The following SEC24A variants were observed in gnomAD, a reference collection of about 807,000 sequenced individuals.
The protein encoded by SEC24A is protein transport protein Sec24A.
SEC24A carries 93 observed loss-of-function variants against 129.4 expected under a neutral mutation model. That is an observed-to-expected ratio of 0.72 (90% CI 0.61 to 0.85). The LOEUF is 0.85. Among genes scored for constraint, SEC24A ranks in the 40% least tolerant of loss-of-function variants. SEC24A has a pLI of 0.00. For missense variants in SEC24A, 1,264 were observed against 1,307.4 expected, an observed-to-expected ratio of 0.97 and a Z score of 0.51; for synonymous variants, 460 against 467.3, an observed-to-expected ratio of 0.98 and a Z score of 0.20.
At position 134,674,724 on chromosome 5, in the gene SEC24A, A is replaced by G; in HGVS notation, c.927A>G (p.Gly309=). 1 of 1,613,980 alleles carries G rather than the reference A, an allele frequency of 6.2e-7. No homozygotes were observed. Among genetic ancestry groups the G allele is most frequent in the Non-Finnish European group, 8.5e-7 (1 of 1,179,932 alleles). Residue 309 remains glycine (G), a synonymous_variant, in exon 5 of 23, where the codon GGA becomes GGG. Transcript: ENST00000398844. Reference sequence around the variant, plus strand: ...ACACAACACCACCTGGTGCAACTGGAGTACCACCCTCTTCCTTGAATTACC... The same window carrying G: ...ACACAACACCACCTGGTGCAACTGGGGTACCACCCTCTTCCTTGAATTACC... ...YQNTTPPGAT[G]VPPSSLNYPS... is the part of the protein sequence containing the mutation.
Position 134,715,006 on chromosome 5 carries a change from G to C in SEC24A, c.2728-18G>C. On this transcript the variant is annotated intron_variant, in intron 18 of 22. Transcript: ENST00000398844. ...TAAAATATATTCTTTTGTGGGGAAT[G>C]GGGGTTTTCTGTTACAGAAATCATT... The C allele has an allele frequency of 2.5e-6, 4 of 1,607,644 alleles. No homozygotes were observed. Among genetic ancestry groups the C allele is most frequent in the Non-Finnish European group, 3.4e-6 (4 of 1,176,578 alleles).
chr5:134,693,135 T>G, intron 12 of SEC24A: 1 of 1,534,568 alleles, frequency 6.5e-7, no homozygotes, highest in Non-Finnish European at 8.7e-7. Flanking sequence ...GGGGGGATGT[T>G]GTCTACCCTG....
rs571922555 is a variant in SEC24A, at chr5:134,686,677, T to G, written c.1492-113T>G. The G allele has an allele frequency of 4.6e-4, 259 of 561,950 alleles. 4 individuals carry two copies. In the South Asian group the frequency reaches 5.3e-3, roughly 12 times the overall value. The allele number at this position is 561,950 out of a possible 1,614,324, so 34.8% of individuals were successfully genotyped here. A position where few individuals can be genotyped will look rare whatever the true frequency, so the allele number is the denominator to read the frequency against. ...ATAGCTTTGCCTGTTTATTATAATCTCTACTCAATCTGTAAATAATGCTTT... is the reference window on the plus strand; with the variant it reads ...ATAGCTTTGCCTGTTTATTATAATCGCTACTCAATCTGTAAATAATGCTTT... On this transcript the variant is annotated intron_variant, in intron 9 of 22. Coordinates refer to ENST00000398844, the MANE Select transcript of SEC24A (RefSeq NM_021982.3).
At chr5:134,675,656 T>C (rs111879267) in intron 6 of SEC24A, among the ~76,000 whole-genome samples, 2,014 of 152,336 alleles carry the variant, frequency 0.013, 17 homozygotes, top group Middle Eastern at 0.041. Context: ...TTAAATTGTA[T>C]TTAGAATCTT....
At chr5:134,689,617 T>C (rs1751566857) in intron 11 of SEC24A, among the ~76,000 whole-genome samples, 2 of 151,912 alleles carry the variant, frequency 1.3e-5, no homozygotes. Flanking sequence ...AAAAATTAGT[T>C]GGGCGTGGTG....
Position 134,705,091 on chromosome 5 carries a change from T to TATATATATATATATATATATA in SEC24A, c.2441-236_2441-235insATATATATATATATATATATA, listed in dbSNP as rs1491338363. 3.2e-5 allele frequency among the ~76,000 whole-genome samples: 3 copies of TATATATATATATATATATATA among 94,986 alleles called. No individual in the cohort carries two copies. In the East Asian group the frequency reaches 1.4e-3, roughly 45 times the overall value. 62.3% of individuals were successfully genotyped at this position (94,986 alleles called of 152,430 possible). On this transcript the variant is annotated intron_variant, in intron 16 of 22. Transcript: ENST00000398844. The stretch of plus-strand genomic sequence containing the variant: ...ATATTTATATATATATATATATATA[T>TATATATATATATATATATATA]TTTTTTTTTTTTAATTAATTTATTT...
rs998877922 is a variant in SEC24A, at chr5:134,726,057, C to A, written c.*963C>A. ...TTTAATTGTTAAATTGGAAGTCATTCATAAGAAATATTTATGCTTGAATAT... is the reference window on the plus strand; with the variant it reads ...TTTAATTGTTAAATTGGAAGTCATTAATAAGAAATATTTATGCTTGAATAT... On this transcript the variant is annotated 3_prime_UTR_variant, in exon 23 of 23. Coordinates refer to ENST00000398844, the MANE Select transcript of SEC24A (RefSeq NM_021982.3). 2.0e-5 allele frequency: 3 copies of A among 152,414 alleles called. No homozygotes were observed. Among genetic ancestry groups the A allele is most frequent in the African/African-American group, 7.2e-5 (3 of 41,414 alleles). 9.4% of individuals were successfully genotyped at this position (152,414 alleles called of 1,614,324 possible). A position where few individuals can be genotyped will look rare whatever the true frequency, so the allele number is the denominator to read the frequency against.
Position 134,718,110 on chromosome 5 carries a change from C to T in SEC24A, c.2907C>T (p.Pro969=), listed in dbSNP as rs377039031. 2 of 1,614,128 alleles carry T rather than the reference C, an allele frequency of 1.2e-6. No homozygotes were observed. Among genetic ancestry groups the T allele is most frequent in the Non-Finnish European group, 1.7e-6 (2 of 1,179,996 alleles). ...GTGATAGAACCATACCTCAGCCCCCCATTCTTCAGCTTTCAGTGGAGAAGC... is the reference window on the plus strand; with the variant it reads ...GTGATAGAACCATACCTCAGCCCCCTATTCTTCAGCTTTCAGTGGAGAAGC... ...NISDRTIPQP[P]ILQLSVEKLS... Residue 969 remains proline (P), a synonymous_variant, in exon 20 of 23, where the codon CCC becomes CCT. Coordinates refer to ENST00000398844, the MANE Select transcript of SEC24A (RefSeq NM_021982.3).
intron 17 of SEC24A, 116 bp downstream of exon 17, chr5:134,705,553 G>A: frequency 1.8e-6 from 1 of 567,728 alleles, no homozygotes; most frequent in Non-Finnish European, 3.1e-6. Context: ...AGATCCCCTG[G>A]GTGCCTGCTA....
At position 134,675,234 on chromosome 5, in the gene SEC24A, G is replaced by A; in HGVS notation, c.1151+17G>A. ...TAACCCAGAGTAAGGCTTCAGATGT[G>A]ACATTATGCATGTCCGAAAAGTTTT... On this transcript the variant is annotated intron_variant, in intron 6 of 22. Transcript: ENST00000398844. The A allele has an allele frequency of 6.3e-7, 1 of 1,594,746 alleles. No homozygotes were observed. The highest frequency in any genetic ancestry group is 8.6e-7 in the Non-Finnish European group (1 of 1,166,436).
At chr5:134,687,256 TA>T (rs758467325) in intron 10 of SEC24A, among the ~76,000 whole-genome samples, 3 of 152,200 alleles carry the variant, frequency 2.0e-5, no homozygotes, top group African/African-American at 4.8e-5. Context: ...ACTTCAAGAC[TA>T]ACTTTTATAC....
chr5:134,709,471 C>T (rs1344297926), intron 18 of SEC24A, among the ~76,000 whole-genome samples: 1 of 152,156 alleles, frequency 6.6e-6, no homozygotes, highest in Non-Finnish European at 1.5e-5. Flanking sequence ...AACTGATAAT[C>T]AGTTTTCCAG....
chr5:134,698,203 G>T, intron 15 of SEC24A, 146 bp downstream of exon 15: 1 of 641,888 alleles, frequency 1.6e-6, no homozygotes, highest in South Asian at 2.3e-5. Context: ...AAGAAACACT[G>T]TAACCAAAAA....
At chr5:134,664,199 C>A (rs1750571652) in intron 2 of SEC24A, among the ~76,000 whole-genome samples, 1 of 151,636 alleles carries the variant, frequency 6.6e-6, no homozygotes, top group African/African-American at 2.4e-5. Flanking sequence ...CTTCTTTTTT[C>A]TCATTTGAAC....
intron 16 of SEC24A, among the ~76,000 whole-genome samples, chr5:134,705,090 ATT>A (rs58181904): frequency 0.059 from 7,248 of 123,228 alleles, 261 homozygotes; most frequent in Middle Eastern, 0.09. Flanking sequence ...ATATATATAT[ATT>A]TTTTTTTTTT....
chr5:134,704,563 G>C (rs1752096854), intron 16 of SEC24A, among the ~76,000 whole-genome samples: 1 of 152,136 alleles, frequency 6.6e-6, no homozygotes, highest in Non-Finnish European at 1.5e-5. Context: ...CACTTTGGAA[G>C]GCTGACTAGG....
intron 21 of SEC24A, among the ~76,000 whole-genome samples, chr5:134,721,561 C>CAAA (rs757908828): frequency 3.6e-5 from 2 of 55,426 alleles, no homozygotes; most frequent in Non-Finnish European, 7.2e-5. Flanking sequence ...GACTCCATCT[C>CAAA]AAAAAAAAAA....
At chr5:134,681,500 G>T (rs1044110293) in intron 8 of SEC24A, among the ~76,000 whole-genome samples, 1 of 151,274 alleles carries the variant, frequency 6.6e-6, no homozygotes, top group Non-Finnish European at 1.5e-5. Context: ...GAAAAGTAAG[G>T]ATAGGCTAAG....
At chr5:134,705,090 A>ATATATATATATATATATATTTTTT (rs1180461537) in intron 16 of SEC24A, among the ~76,000 whole-genome samples, 1 of 123,306 alleles carries the variant, frequency 8.1e-6, no homozygotes, top group Non-Finnish European at 1.7e-5. Context: ...ATATATATAT[A>ATATATATATATATATATATTTTTT]TTTTTTTTTT....
Sources: gnomAD v4.1 joint callset for allele counts (sites outside exome capture counted in the v4.1 genomes callset) on GRCh38, gnomAD v4.1.1 for gene constraint, MANE v1.5 for transcripts, NCBI Gene and HGNC (gene_info 2026-07-23, HGNC 2026-07-21) for gene names.